ACADS: variants seen among roughly 807,000 people sequenced by gnomAD.
The protein encoded by ACADS is short-chain specific acyl-CoA dehydrogenase, mitochondrial.
In ACADS, 28 loss-of-function variants were observed where a neutral mutation model predicts 46.8. That is an observed-to-expected ratio of 0.60 (90% CI 0.44 to 0.82). The LOEUF (loss-of-function observed/expected upper bound fraction) is 0.82. Ranked by LOEUF, ACADS falls within the 40% of genes least tolerant of loss-of-function variation. The pLI is 0.00. For missense variants in ACADS, 528 were observed against 578.0 expected (o/e 0.91, Z 0.89); for synonymous variants, 236 against 237.7 (o/e 0.99, Z 0.07).
chr12:120,727,127 G>C lies in ACADS; in HGVS notation c.148G>C (p.Glu50Gln). The change falls in exon 2 of 10, where the codon GAG becomes CAG. Residue 50 changes from glutamate to glutamine, a missense_variant. Coordinates refer to ENST00000242592, the MANE Select transcript of ACADS (RefSeq NM_000017.4). Reference protein sequence around the residue: ...MLLQTCRDFAEKELFPIAAQV... With the variant: ...MLLQTCRDFAQKELFPIAAQV... ...GCTCCAGACATGCCGGGACTTTGCC[G>C]AGAAGGAGTTGTTTCCCATTGCAGC... The C allele has an allele frequency of 6.2e-7, 1 of 1,614,160 alleles. No individual in the cohort carries two copies. Among genetic ancestry groups the C allele is most frequent in the Non-Finnish European group, 8.5e-7 (1 of 1,180,000 alleles).
At position 120,736,984 on chromosome 12, in the gene ACADS, A is replaced by G; in HGVS notation, c.211-2A>G. The G allele has an allele frequency of 1.2e-6, 2 of 1,605,370 alleles. No homozygotes were observed. Among genetic ancestry groups the G allele is most frequent in the Non-Finnish European group, 1.7e-6 (2 of 1,176,624 alleles). On this transcript the variant is annotated splice_acceptor_variant, in intron 2 of 9. Coordinates refer to ENST00000242592, the MANE Select transcript of ACADS (RefSeq NM_000017.4). LOFTEE classifies it high-confidence loss of function. ...TGGCGTGCCGTCCTTCCCTGTGCCC[A>G]GGTGAAGAAGATGGGCGGGCTTGGG...
At chr12:120,736,862 G>T (rs1362527774) in intron 2 of ACADS, 124 bp from the exon 3 acceptor site, 2 of 1,255,916 alleles carry the variant, frequency 1.6e-6, no homozygotes, top group African/African-American at 1.5e-5. Context: ...CCTTGTGCGT[G>T]GCTGGGGTCA....
At position 120,737,999 on chromosome 12, in the gene ACADS, C is replaced by A. The variant is rs763811046; in HGVS notation, c.624+11C>A. 3 of 1,613,552 alleles carry A rather than the reference C, an allele frequency of 1.9e-6. No individual in the cohort carries two copies. The highest frequency in any genetic ancestry group is 1.3e-5 in the African/African-American group (1 of 75,046). ...GCCCTGCAAAACAAGGTGGGCCCAC[C>A]CAGAGAGGGGTTCAGCCGGATCCTG... is the stretch of plus-strand genomic sequence containing the variant. On this transcript the variant is annotated intron_variant, in intron 5 of 9. Transcript: ENST00000242592.
At position 120,738,470 on chromosome 12, in the gene ACADS, T is replaced by TG; in HGVS notation, c.795+22dup. The TG allele has an allele frequency of 1.2e-6, 2 of 1,607,122 alleles. No homozygotes were observed. Among genetic ancestry groups the TG allele is most frequent in the South Asian group, 1.1e-5 (1 of 91,048 alleles). ...GCCATGGTGAGCCCGGCAGTGGGGG[T>TG]GGCACCTTGAGGCCAGGCCCGCGCC... On this transcript the variant is annotated intron_variant, in intron 6 of 9. Coordinates refer to ENST00000242592, the MANE Select transcript of ACADS (RefSeq NM_000017.4).
intron 2 of ACADS, among the ~76,000 whole-genome samples, chr12:120,735,345 C>T (rs1260287016): frequency 2.3e-5 from 3 of 131,792 alleles, no homozygotes; most frequent in Non-Finnish European, 4.7e-5. Flanking sequence ...TGTGCGCAGT[C>T]CTTAAAAAAA....
In ACADS at chr12:120,728,008, C is replaced by A. The variant is rs775356801; in HGVS notation, c.210+819C>A. ...TGTTGCCCAGGCTGGAGGGCAGTGG[C>A]GCAATCTCAACGCACTGCACCCCTC... On this transcript the variant is annotated intron_variant, in intron 2 of 9. Coordinates refer to ENST00000242592, the MANE Select transcript of ACADS (RefSeq NM_000017.4). The surrounding 1 kb of genome is among the most constrained non-coding windows in gnomAD (Gnocchi z 4.0). 6.6e-6 allele frequency among the ~76,000 whole-genome samples: 1 copy of A among 151,972 alleles called. No individual in the cohort carries two copies. Among genetic ancestry groups the A allele is most frequent in the Non-Finnish European group, 1.5e-5 (1 of 67,994 alleles).
At chr12:120,727,218 T>C in intron 2 of ACADS, 29 bp downstream of exon 2, 1 of 1,613,914 alleles carries the variant, frequency 6.2e-7, no homozygotes, top group Admixed American at 1.7e-5. Flanking sequence ...CAGCCCACGA[T>C]AGTGGTCTGC....
At chr12:120,725,971 G>A (rs1883070331) in intron 1 of ACADS, 40 bp downstream of exon 1, 2 of 1,504,136 alleles carry the variant, frequency 1.3e-6, no homozygotes, top group Non-Finnish European at 1.8e-6. Context: ...GCTTCAGCCC[G>A]CGTCTGGCCC....
intron 3 of ACADS, 34 bp downstream of exon 3, chr12:120,737,169 G>GT: frequency 6.4e-7 from 1 of 1,558,552 alleles, no homozygotes; most frequent in East Asian, 2.4e-5. Context: ...GGACACACGG[G>GT]TGGAGGGAGG....
intron 3 of ACADS, 39 bp downstream of exon 3, chr12:120,737,174 G>C: frequency 6.4e-7 from 1 of 1,556,792 alleles, no homozygotes. Flanking sequence ...CACGGGTGGA[G>C]GGAGGCTCCC....
intron 2 of ACADS, among the ~76,000 whole-genome samples, chr12:120,731,439 G>A (rs1267677509): frequency 1.4e-5 from 2 of 147,562 alleles, no homozygotes; most frequent in African/African-American, 5.1e-5. Flanking sequence ...CAGCAGAGGT[G>A]TTCCTTAATA....
At chr12:120,726,829 T>C (rs1237564068) in intron 1 of ACADS, among the ~76,000 whole-genome samples, 197 bp from the exon 2 acceptor site, 1 of 152,198 alleles carries the variant, frequency 6.6e-6, no homozygotes, top group Non-Finnish European at 1.5e-5. Flanking sequence ...TTGTTGGATG[T>C]TCAGCAGGGA....
intron 1 of ACADS, among the ~76,000 whole-genome samples, chr12:120,726,527 C>T (rs182692120): frequency 1.4e-4 from 21 of 152,280 alleles, no homozygotes; most frequent in South Asian, 2.1e-4. Context: ...ACAAGGGGAA[C>T]GCTACTGAGA....
intron 7 of ACADS, 27 bp downstream of exon 7, chr12:120,738,697 G>A (rs2136950304): frequency 6.2e-7 from 1 of 1,610,178 alleles, no homozygotes; most frequent in Non-Finnish European, 8.5e-7. Flanking sequence ...TAGGAGCTGG[G>A]CCTAGAGGCT....
chr12:120,735,549 A>G (rs975779508), intron 2 of ACADS, among the ~76,000 whole-genome samples: 2 of 152,022 alleles, frequency 1.3e-5, no homozygotes, highest in Admixed American at 6.6e-5. Context: ...GGAGTATAGA[A>G]AAACAAGAAT....
intron 2 of ACADS, among the ~76,000 whole-genome samples, chr12:120,730,054 C>T (rs1345606844): frequency 6.6e-6 from 1 of 152,104 alleles, no homozygotes; most frequent in African/African-American, 2.4e-5. Context: ...GCGATCTCGG[C>T]TCACTGTAGC....
intron 5 of ACADS, 82 bp from the exon 6 acceptor site, chr12:120,738,198 G>A: frequency 6.2e-7 from 1 of 1,605,424 alleles, no homozygotes; most frequent in Non-Finnish European, 8.5e-7. Flanking sequence ...GGTGGGGAGG[G>A]GACCGGGTTG....
In ACADS at chr12:120,739,627, G is replaced by A; in HGVS notation, c.*179G>A. 2 of 703,134 alleles carry A rather than the reference G, an allele frequency of 2.8e-6. No individual in the cohort carries two copies. The highest frequency in any genetic ancestry group is 4.7e-6 in the Non-Finnish European group (2 of 429,584). The allele number at this position is 703,134 out of a possible 1,614,324, so 43.6% of individuals were successfully genotyped here. A position where few individuals can be genotyped will look rare whatever the true frequency, so the allele number is the denominator to read the frequency against. ...AGGCCCTCCGACCATTGGCAGCTCC[G>A]CCTCTGGGCCTTTCCGCCTCCTCAC... On this transcript the variant is annotated 3_prime_UTR_variant, in exon 10 of 10. Coordinates refer to ENST00000242592, the MANE Select transcript of ACADS (RefSeq NM_000017.4).
chr12:120,737,570 G>T lies in ACADS; in HGVS notation c.472+103G>T, dbSNP rs147921113. ...CCACTGCTTCGGAGGCCAGAGGGGA[G>T]GCTCCCCGTGTGGTTGGTAGGGTGA... On this transcript the variant is annotated intron_variant, in intron 4 of 9. Coordinates refer to ENST00000242592, the MANE Select transcript of ACADS (RefSeq NM_000017.4). 63 of 1,201,548 alleles carry T rather than the reference G, an allele frequency of 5.2e-5. 1 individual carries two copies. In the African/African-American group the frequency reaches 7.6e-4, roughly 14 times the overall value. 74.4% of individuals were successfully genotyped at this position (1,201,548 alleles called of 1,614,324 possible). A position where few individuals can be genotyped will look rare whatever the true frequency, so the allele number is the denominator to read the frequency against.
Sources: allele counts gnomAD v4.1 joint callset (sites outside exome capture counted in the v4.1 genomes callset), GRCh38; gene constraint gnomAD v4.1.1; non-coding constraint Gnocchi (gnomAD v3.1); transcripts MANE v1.5; gene names NCBI Gene and HGNC (gene_info 2026-07-23, HGNC 2026-07-21).